Variants in AP2B1 observed in about 807,000 individuals in gnomAD.
The protein encoded by AP2B1 is AP-2 complex subunit beta.
Under a neutral mutation model 102.0 loss-of-function variants are expected in AP2B1, and 23 were observed. That is an observed-to-expected ratio of 0.23 (90% CI 0.16 to 0.32). The LOEUF (loss-of-function observed/expected upper bound fraction) is 0.32, where lower values mean the gene tolerates loss of function less well. Among genes scored for constraint, AP2B1 ranks in the 10% least tolerant of loss-of-function variants. AP2B1 has a pLI of 1.00. For missense variants in AP2B1, 541 were observed against 1,157.4 expected (o/e 0.47, Z 7.73); for synonymous variants, 381 against 421.2 (o/e 0.90, Z 1.17).
chr17:35,616,136 AT>A (rs1409600396), intron 5 of AP2B1, among the ~76,000 whole-genome samples: 1 of 137,192 alleles, frequency 7.3e-6, no homozygotes, highest in Non-Finnish European at 1.6e-5. Context: ...GTTTTAAAAA[AT>A]ATCTCTTTTT....
chr17:35,620,318 C>T (rs1339399258), intron 5 of AP2B1, among the ~76,000 whole-genome samples: 1 of 150,494 alleles, frequency 6.6e-6, no homozygotes, highest in African/African-American at 2.5e-5. Flanking sequence ...CCTGTCTCTA[C>T]CAAAAAAAAA....
chr17:35,680,700 G>GTTTTTTTTTTTTTTTTTTTTTTTTTTTTT (rs1176447688), intron 17 of AP2B1, among the ~76,000 whole-genome samples: 1 of 128,922 alleles, frequency 7.8e-6, no homozygotes, highest in African/African-American at 2.9e-5. Flanking sequence ...TTTTTTTTTT[G>GTTTTTTTTTTTTTTTTTTTTTTTTTTTTT]TTTTTTTTTT....
chr17:35,691,561 G>A (rs1440888726), intron 18 of AP2B1, among the ~76,000 whole-genome samples: 6 of 152,130 alleles, frequency 3.9e-5, no homozygotes, highest in Non-Finnish European at 1.5e-5. Context: ...ATCCACAATT[G>A]AGGACTGCAC....
chr17:35,598,219 A>T lies in AP2B1; in HGVS notation c.38-11A>T. ...ACTGGAACCTTACCAGTTTGCTCTC[A>T]TCTCTTGCAGGAGAAATATTTGAAC... On this transcript the variant is annotated splice_polypyrimidine_tract_variant and intron_variant, in intron 2 of 21. Coordinates refer to ENST00000610402, the MANE Select transcript of AP2B1 (RefSeq NM_001030006.2). 1 of 1,594,394 alleles carries T rather than the reference A, an allele frequency of 6.3e-7. No individual in the cohort carries two copies. The highest frequency in any genetic ancestry group is 8.6e-7 in the Non-Finnish European group (1 of 1,163,258).
chr17:35,602,677 AGT>A (rs1054309050), intron 3 of AP2B1, among the ~76,000 whole-genome samples: 1 of 152,216 alleles, frequency 6.6e-6, no homozygotes, highest in African/African-American at 2.4e-5. Flanking sequence ...TTCAAAATCC[AGT>A]GTGTGTTTCA....
intron 14 of AP2B1, chr17:35,659,834 A>G (rs1464034968): frequency 1.0e-6 from 1 of 985,284 alleles, no homozygotes; most frequent in South Asian, 4.7e-5. Context: ...AGAAATCAAG[A>G]TGAGAAGAAA....
At chr17:35,721,552 G>C (rs1189505057) in intron 21 of AP2B1, among the ~76,000 whole-genome samples, 2 of 152,158 alleles carry the variant, frequency 1.3e-5, no homozygotes, top group Non-Finnish European at 2.9e-5. Context: ...GATATTAAGA[G>C]TCCAGACACA....
chr17:35,706,949 G>A (rs2076352888), intron 18 of AP2B1, among the ~76,000 whole-genome samples: 2 of 152,000 alleles, frequency 1.3e-5, no homozygotes, highest in South Asian at 4.2e-4. Context: ...ACCACACCCG[G>A]CCCCAGTTTT....
intron 18 of AP2B1, among the ~76,000 whole-genome samples, chr17:35,697,914 C>A (rs1487933105): frequency 6.6e-6 from 1 of 152,014 alleles, no homozygotes; most frequent in Admixed American, 6.5e-5. Context: ...GAGCTGAGAT[C>A]CCACCACTGC....
intron 18 of AP2B1, among the ~76,000 whole-genome samples, chr17:35,687,248 A>G (rs1356779664): frequency 6.6e-6 from 1 of 152,028 alleles, no homozygotes; most frequent in African/African-American, 2.4e-5. Context: ...AATAGCTGGG[A>G]CCACAGGAGC....
intron 18 of AP2B1, among the ~76,000 whole-genome samples, chr17:35,686,977 A>AAAAAG (rs1178507460): frequency 1.3e-5 from 2 of 152,166 alleles, no homozygotes; most frequent in African/African-American, 2.4e-5. Context: ...ACTCCGTCTC[A>AAAAAG]AAAAGAAAAG....
At position 35,599,091 on chromosome 17, in the gene AP2B1, A is replaced by T. The variant is rs1430636452; in HGVS notation, c.143+756A>T. 5.9e-5 allele frequency among the ~76,000 whole-genome samples: 9 copies of T among 152,266 alleles called. No homozygotes were observed. The East Asian group carries it at 1.7e-3, about 29-fold the overall frequency. On this transcript the variant is annotated intron_variant, in intron 3 of 21. Coordinates refer to ENST00000610402, the MANE Select transcript of AP2B1 (RefSeq NM_001030006.2). The stretch of plus-strand genomic sequence containing the variant: ...GTTTCACTTAGGAATGTCCTTCATG[A>T]GCAGTAAAAATTTGTTTTATTAAAA...
chr17:35,672,111 AT>A (rs908328182), intron 16 of AP2B1, among the ~76,000 whole-genome samples: 1 of 152,218 alleles, frequency 6.6e-6, no homozygotes, highest in Non-Finnish European at 1.5e-5. Flanking sequence ...TAGACTTAAA[AT>A]TTGACATATT....
intron 9 of AP2B1, 79 bp from the exon 10 acceptor site, chr17:35,636,262 A>G (rs2074604084): frequency 3.2e-6 from 3 of 946,440 alleles, no homozygotes; most frequent in Non-Finnish European, 4.9e-6. Context: ...ATGCACCTGC[A>G]TGTTTCAAAA....
At chr17:35,697,797 AC>A (rs1416116954) in intron 18 of AP2B1, among the ~76,000 whole-genome samples, 10 of 152,136 alleles carry the variant, frequency 6.6e-5, no homozygotes, top group Non-Finnish European at 1.2e-4. Context: ...CCCCATCTCT[AC>A]CAAAAATACA....
chr17:35,680,417 A>G (rs2075792340), intron 17 of AP2B1, among the ~76,000 whole-genome samples: 3 of 152,030 alleles, frequency 2.0e-5, no homozygotes, highest in Middle Eastern at 3.4e-3. Flanking sequence ...GGCATGGTGC[A>G]GTTGAGGCTC....
At chr17:35,636,578 CA>C (rs2074613036) in intron 10 of AP2B1, 122 bp downstream of exon 10, 1 of 600,854 alleles carries the variant, frequency 1.7e-6, no homozygotes, top group African/African-American at 4.2e-5. Context: ...GATACTTTAT[CA>C]AAAATCGGAA....
intron 20 of AP2B1, among the ~76,000 whole-genome samples, chr17:35,711,714 G>A (rs143902050): frequency 0.018 from 2,672 of 152,192 alleles, 50 homozygotes; most frequent in African/African-American, 0.049. Flanking sequence ...CTTGTGATCC[G>A]CCCGCCTCGG....
intron 9 of AP2B1, among the ~76,000 whole-genome samples, chr17:35,629,541 GT>G (rs1053402269): frequency 1.3e-4 from 19 of 151,970 alleles, no homozygotes; most frequent in African/African-American, 4.6e-4. Flanking sequence ...TGAATGATTC[GT>G]TTTTTTGTTT....
Sources: gnomAD v4.1 joint callset for allele counts (sites outside exome capture counted in the v4.1 genomes callset) on GRCh38, gnomAD v4.1.1 for gene constraint, MANE v1.5 for transcripts, NCBI Gene and HGNC (gene_info 2026-07-23, HGNC 2026-07-21) for gene names.